The following SLC38A12 variants were observed in gnomAD, a reference collection of about 807,000 sequenced individuals.
SLC38A12 encodes the protein putative sodium-coupled neutral amino acid transporter 12.
At chr17:74,793,123 T>G in the SLC38A12 span, among the ~76,000 whole-genome samples, 3 of 152,172 alleles carry the variant, frequency 2.0e-5, no homozygotes, top group Non-Finnish European at 1.5e-5. Flanking sequence ...TAATGGAAAA[T>G]AAAGACATTG....
chr17:74,802,512 T>A, the SLC38A12 span, among the ~76,000 whole-genome samples: 1 of 152,164 alleles, frequency 6.6e-6, no homozygotes, highest in Non-Finnish European at 1.5e-5. Flanking sequence ...GTGACCGACA[T>A]AGCCCCCTTC....
chr17:74,832,133 A>G, the SLC38A12 span, among the ~76,000 whole-genome samples: 7 of 151,726 alleles, frequency 4.6e-5, no homozygotes, highest in South Asian at 1.5e-3. Context: ...GCCTCGGGCC[A>G]TGGTCCCAGG....
chr17:74,826,313 G>A, the SLC38A12 span, among the ~76,000 whole-genome samples: 1 of 152,210 alleles, frequency 6.6e-6, no homozygotes, highest in African/African-American at 2.4e-5. Flanking sequence ...GCCACCTCCT[G>A]CCACCCTGGG....
At chr17:74,836,413 T>C in the SLC38A12 span, 1 of 1,610,294 alleles carries the variant, frequency 6.2e-7, no homozygotes, top group Non-Finnish European at 8.5e-7. The surrounding 1 kb of genome is among the most constrained non-coding windows in gnomAD (Gnocchi z 4.2). Context: ...ATCACCCTGG[T>C]GCCGCCTGTG....
At chr17:74,793,672 A>G in the SLC38A12 span, among the ~76,000 whole-genome samples, 2 of 152,162 alleles carry the variant, frequency 1.3e-5, no homozygotes, top group South Asian at 2.1e-4. Flanking sequence ...GCGGGGGACA[A>G]TGCGTCCCCT....
At chr17:74,786,271 G>A in the SLC38A12 span, among the ~76,000 whole-genome samples, 5 of 152,224 alleles carry the variant, frequency 3.3e-5, no homozygotes, top group South Asian at 2.1e-4. Context: ...AGGCCAGGAA[G>A]GGGTTTAGGA....
At chr17:74,811,201 A>G in the SLC38A12 span, among the ~76,000 whole-genome samples, 1 of 152,174 alleles carries the variant, frequency 6.6e-6, no homozygotes, top group African/African-American at 2.4e-5. Context: ...GTGGTGGCAC[A>G]CGCCTGTAGT....
the SLC38A12 span, among the ~76,000 whole-genome samples, chr17:74,801,625 A>C: frequency 2.0e-5 from 3 of 152,172 alleles, no homozygotes; most frequent in Non-Finnish European, 2.9e-5. Context: ...CACCCCAAAA[A>C]TGTGCGTGCC....
At chr17:74,783,734 T>C in the SLC38A12 span, among the ~76,000 whole-genome samples, 6,850 of 139,436 alleles carry the variant, frequency 0.049, 184 homozygotes, top group African/African-American at 0.089. Context: ...TTTTTTTTTT[T>C]TTTTTTTTTT....
At chr17:74,777,214 A>G in the SLC38A12 span, 1 of 1,202,344 alleles carries the variant, frequency 8.3e-7, no homozygotes, top group South Asian at 1.2e-5. Flanking sequence ...GCCTCCTCCC[A>G]CCCCTGTCTC....
chr17:74,813,014 T>G, the SLC38A12 span, among the ~76,000 whole-genome samples: 7 of 152,116 alleles, frequency 4.6e-5, no homozygotes, highest in African/African-American at 1.4e-4. Context: ...GGGAAAGAAA[T>G]AAGCACACAC....
chr17:74,814,216 TG>T, the SLC38A12 span, among the ~76,000 whole-genome samples: 1 of 152,094 alleles, frequency 6.6e-6, no homozygotes, highest in Admixed American at 6.5e-5. Flanking sequence ...ACCTTGGAGA[TG>T]CTGGTGATGG....
chr17:74,782,160 C>T, the SLC38A12 span, among the ~76,000 whole-genome samples: 8 of 152,168 alleles, frequency 5.3e-5, no homozygotes, highest in African/African-American at 1.4e-4. Flanking sequence ...CTCTGCCTCC[C>T]GGGTTCAAGT....
the SLC38A12 span, among the ~76,000 whole-genome samples, chr17:74,816,999 G>T: frequency 6.6e-6 from 1 of 151,922 alleles, no homozygotes; most frequent in African/African-American, 2.4e-5. Context: ...TGGAGACAGG[G>T]GCTGTTCCTT....
At chr17:74,797,012 C>T in the SLC38A12 span, among the ~76,000 whole-genome samples, 1 of 152,162 alleles carries the variant, frequency 6.6e-6, no homozygotes, top group South Asian at 2.1e-4. Flanking sequence ...CTCGCACAGA[C>T]ATGGTGGCAT....
chr17:74,777,160 G>GT, the SLC38A12 span: 1 of 721,732 alleles, frequency 1.4e-6, no homozygotes, highest in African/African-American at 1.8e-5. Context: ...GAGGCCCTAA[G>GT]TGTCTGTGAT....
chr17:74,810,441 G>T, the SLC38A12 span, among the ~76,000 whole-genome samples: 1 of 152,230 alleles, frequency 6.6e-6, no homozygotes, highest in Non-Finnish European at 1.5e-5. Context: ...CAAAAAGTGC[G>T]TTATGGCAGG....
At chr17:74,818,773 A>G in the SLC38A12 span, among the ~76,000 whole-genome samples, 2 of 152,208 alleles carry the variant, frequency 1.3e-5, no homozygotes, top group African/African-American at 4.8e-5. Context: ...GATGCCTCAC[A>G]CTGCTTCCGA....
At chr17:74,838,753 C>T in the SLC38A12 span, 1 of 1,463,770 alleles carries the variant, frequency 6.8e-7, no homozygotes, top group Non-Finnish European at 9.0e-7. Flanking sequence ...GGGCTTGGGG[C>T]CAGGGGCAGA....
Sources: allele counts gnomAD v4.1 joint callset (sites outside exome capture counted in the v4.1 genomes callset), GRCh38; gene constraint gnomAD v4.1.1; non-coding constraint Gnocchi (gnomAD v3.1); transcripts MANE v1.5; gene names NCBI Gene and HGNC (gene_info 2026-07-23, HGNC 2026-07-21).